Variants in GDF5 observed in about 807,000 individuals in gnomAD.
GDF5 encodes the protein growth differentiation factor 5.
GDF5 carries 17 observed loss-of-function variants against 34.6 expected under a neutral mutation model. That is an observed-to-expected ratio of 0.49 (90% CI 0.34 to 0.74). GDF5 has a LOEUF of 0.74. Ranked by LOEUF, GDF5 falls within the 30% of genes least tolerant of loss-of-function variation. The pLI, the probability that GDF5 is intolerant of heterozygous loss-of-function variation, is 0.01. For missense variants in GDF5, 616 were observed against 661.2 expected, an observed-to-expected ratio of 0.93 and a Z score of 0.75; for synonymous variants, 332 against 290.7, an observed-to-expected ratio of 1.14 and a Z score of -1.44.
chr20:35,434,310 C>T lies in GDF5; in HGVS notation c.1105G>A (p.Val369Met), dbSNP rs775005947. The T allele has an allele frequency of 5.6e-6, 9 of 1,614,010 alleles. No individual in the cohort carries two copies. The highest frequency in any genetic ancestry group is 7.6e-6 in the Non-Finnish European group (9 of 1,180,038). ...KARSGQDDKT[V>M]YEYLFSQRRK... ...CGCTGGCTGAACAGGTACTCATACA[C>T]GGTCTTATCGTCCTGGCCAGAGCGG... The change falls in exon 2 of 2, where the codon GTG becomes ATG. Residue 369 changes from valine to methionine, a missense_variant. Physicochemically the swap from Val to Met is conservative, Grantham distance 21. Coordinates refer to ENST00000374369, the MANE Select transcript of GDF5 (RefSeq NM_000557.5).
intron 1 of GDF5, among the ~76,000 whole-genome samples, chr20:35,445,104 A>C (rs532204120): frequency 1.3e-5 from 2 of 152,306 alleles, no homozygotes; most frequent in South Asian, 4.1e-4. Context: ...AATAATGATT[A>C]AGAGCTAAGT....
upstream of GDF5, among the ~76,000 whole-genome samples, chr20:35,442,598 T>A (rs763190246): frequency 7.3e-6 from 1 of 137,706 alleles, no homozygotes; most frequent in African/African-American, 2.7e-5. Context: ...GAGTGAAGAG[T>A]GCAGTGGCTC....
chr20:35,439,429 A>T (rs369177538), upstream of GDF5, among the ~76,000 whole-genome samples: 5 of 151,946 alleles, frequency 3.3e-5, no homozygotes, highest in African/African-American at 4.8e-5. Context: ...GGGTTTCACC[A>T]TGTTAGCCAG....
At chr20:35,448,011 T>A (rs1601081318) in intron 1 of GDF5, among the ~76,000 whole-genome samples, 1 of 152,170 alleles carries the variant, frequency 6.6e-6, no homozygotes, top group Non-Finnish European at 1.5e-5. Flanking sequence ...ACCAAATATA[T>A]TTGATTATAA....
chr20:35,433,819 T>C lies in GDF5; in HGVS notation c.*90A>G. ...TTCACCCAAGCTGTGTAGATGCTCC[T>C]GCCACAGCTTCCTGACCCCTCTGTG... On this transcript the variant is annotated 3_prime_UTR_variant, in exon 2 of 2. Transcript: ENST00000374369. 3 of 1,092,782 alleles carry C rather than the reference T, an allele frequency of 2.7e-6. No homozygotes were observed. In the South Asian group the frequency reaches 3.7e-5, roughly 14 times the overall value. 67.7% of individuals were successfully genotyped at this position (1,092,782 alleles called of 1,614,324 possible).
upstream of GDF5, among the ~76,000 whole-genome samples, chr20:35,439,697 C>T (rs2146585420): frequency 6.6e-6 from 1 of 152,196 alleles, no homozygotes; most frequent in East Asian, 1.9e-4. Flanking sequence ...AAGCTGTTCG[C>T]TTCACCTGAA....
chr20:35,438,096 C>T lies in GDF5; in HGVS notation c.-168G>A, dbSNP rs925696155. The T allele has an allele frequency of 4.9e-5, 37 of 748,820 alleles. No homozygotes were observed. Among genetic ancestry groups the T allele is most frequent in the African/African-American group, 3.1e-4 (18 of 57,160 alleles). 46.4% of individuals were successfully genotyped at this position (748,820 alleles called of 1,614,324 possible). A position where few individuals can be genotyped will look rare whatever the true frequency, so the allele number is the denominator to read the frequency against. On this transcript the variant is annotated 5_prime_UTR_variant, in exon 1 of 2. Coordinates refer to ENST00000374369, the MANE Select transcript of GDF5 (RefSeq NM_000557.5). Reference sequence around the variant, plus strand: ...TCAGTCTGAGACTCTTGAAGTCTGCCGGGTGTGTGTTTGTATCCAGTCCCA... The same window carrying T: ...TCAGTCTGAGACTCTTGAAGTCTGCTGGGTGTGTGTTTGTATCCAGTCCCA...
At chr20:35,442,988 GA>G (rs1292024482), upstream of GDF5, among the ~76,000 whole-genome samples, 1 of 152,212 alleles carries the variant, frequency 6.6e-6, no homozygotes, top group African/African-American at 2.4e-5. Context: ...GGGCACTGGG[GA>G]AAGTTACAGT....
In GDF5 at chr20:35,433,951, C is replaced by A. The variant is rs756378924; in HGVS notation, c.1464G>T (p.Lys488Asn). The A allele has an allele frequency of 1.2e-6, 2 of 1,614,082 alleles. No individual in the cohort carries two copies. Among genetic ancestry groups the A allele is most frequent in the Non-Finnish European group, 1.7e-6 (2 of 1,179,942 alleles). Residue 488 changes from lysine (K) to asparagine (N), a missense_variant, in exon 2 of 2, where the codon AAG becomes AAT. By Grantham distance (94) the Lys-to-Asn change is moderately conservative. Coordinates refer to ENST00000374369, the MANE Select transcript of GDF5 (RefSeq NM_000557.5). ...FIDSANNVVY[K>N]QYEDMVVESC... ...ACTCCACGACCATGTCCTCATACTGCTTATACACCACGTTGTTGGCAGAGT... is the reference window on the plus strand; with the variant it reads ...ACTCCACGACCATGTCCTCATACTGATTATACACCACGTTGTTGGCAGAGT...
chr20:35,450,082 C>T (rs2062525900), intron 1 of GDF5, among the ~76,000 whole-genome samples: 1 of 150,756 alleles, frequency 6.6e-6, no homozygotes, highest in Non-Finnish European at 1.5e-5. Context: ...GTGGGCGGAT[C>T]ACTTGAGGTC....
chr20:35,449,527 C>T (rs2062524160), intron 1 of GDF5, among the ~76,000 whole-genome samples: 1 of 152,190 alleles, frequency 6.6e-6, no homozygotes, highest in African/African-American at 2.4e-5. Context: ...GAATTTACTA[C>T]ACTGTGTGTG....
In GDF5 at chr20:35,434,230, G is replaced by A. The variant is rs1177565803; in HGVS notation, c.1185C>T (p.Asn395=). The A allele has an allele frequency of 1.9e-6, 3 of 1,614,200 alleles. No homozygotes were observed. The highest frequency in any genetic ancestry group is 2.5e-6 in the Non-Finnish European group (3 of 1,180,032). The part of the protein sequence containing the change: ...ATRQGKRPSK[N]LKARCSRKAL... ...CCTTCCGACTGCAGCGAGCCTTAAG[G>A]TTCTTGCTGGGTCGCTTGCCCTGGC... The change falls in exon 2 of 2, where the codon AAC becomes AAT. Residue 395 remains asparagine (N), a synonymous_variant. Coordinates refer to ENST00000374369, the MANE Select transcript of GDF5 (RefSeq NM_000557.5).
chr20:35,437,338 G>C lies in GDF5; in HGVS notation c.591C>G (p.Gly197=). 1.9e-6 allele frequency: 3 copies of C among 1,613,358 alleles called. No individual in the cohort carries two copies. The South Asian group carries it at 3.3e-5, about 18-fold the overall frequency. Residue 197 remains glycine, a synonymous_variant, in exon 1 of 2, where the codon GGC becomes GGG. Transcript: ENST00000374369. ...TAAAGCTGGTGATGGTGTTGGCCAG[G>C]CCAGCCTCCAACTTCACGCTGCTGT... The part of the protein sequence containing the change: ...GGNSSVKLEA[G]LANTITSFID...
chr20:35,439,800 C>G (rs1428296313), upstream of GDF5, among the ~76,000 whole-genome samples: 2 of 151,910 alleles, frequency 1.3e-5, no homozygotes, highest in Non-Finnish European at 2.9e-5. Flanking sequence ...AGCCTTTCCT[C>G]GTCCCCAGAC....
intron 1 of GDF5, among the ~76,000 whole-genome samples, chr20:35,444,358 T>G (rs1021977858): frequency 3.9e-5 from 6 of 152,140 alleles, no homozygotes; most frequent in African/African-American, 1.4e-4. Flanking sequence ...GAGACCCAGA[T>G]GTAGTGAGAA....
At chr20:35,438,767 G>A (rs1035002715), upstream of GDF5, among the ~76,000 whole-genome samples, 7 of 151,626 alleles carry the variant, frequency 4.6e-5, no homozygotes, top group Non-Finnish European at 8.8e-5. Flanking sequence ...TAAGTTCTTA[G>A]AGTGTTTTTA....
chr20:35,453,302 A>G (rs1319118528), intron 1 of GDF5, among the ~76,000 whole-genome samples: 1 of 152,172 alleles, frequency 6.6e-6, no homozygotes, highest in Non-Finnish European at 1.5e-5. Flanking sequence ...ATTACTTTAG[A>G]TAGCATGGTC....
At chr20:35,441,602 G>T (rs1171045490), upstream of GDF5, among the ~76,000 whole-genome samples, 1 of 148,018 alleles carries the variant, frequency 6.8e-6, no homozygotes, top group South Asian at 2.2e-4. Flanking sequence ...CTACAGGTGC[G>T]TGCCACCACG....
rs1387894704 is a variant in GDF5 at position 35,434,503 on chromosome 20, C to G, written c.912G>C (p.Lys304Asn). Residue 304 changes from lysine (K) to asparagine (N), a missense_variant, in exon 2 of 2, where the codon AAG (lysine) becomes AAC (asparagine). By Grantham distance (94) the Lys-to-Asn change is moderately conservative. Transcript: ENST00000374369. ...FDIWKLFRNFKNSAQLCLELE... is the reference protein window; with the variant it reads ...FDIWKLFRNFNNSAQLCLELE... ...GCTCCAGGCACAGCTGGGCCGAGTTCTTAAAGTTTCGGAAGAGCTTCCAGA... is the reference window on the plus strand; with the variant it reads ...GCTCCAGGCACAGCTGGGCCGAGTTGTTAAAGTTTCGGAAGAGCTTCCAGA... 3 of 1,607,750 alleles carry G rather than the reference C, an allele frequency of 1.9e-6. No homozygotes were observed. Among genetic ancestry groups the G allele is most frequent in the South Asian group, 2.2e-5 (2 of 90,712 alleles).
Sources: allele counts gnomAD v4.1 joint callset (sites outside exome capture counted in the v4.1 genomes callset), GRCh38; gene constraint gnomAD v4.1.1; transcripts MANE v1.5; gene names NCBI Gene and HGNC (gene_info 2026-07-23, HGNC 2026-07-21).